DMD: variants seen among roughly 807,000 people sequenced by gnomAD.
DMD encodes the protein mutant dystrophin.
DMD carries 63 observed loss-of-function variants against 330.1 expected under a neutral mutation model. That is an observed-to-expected ratio of 0.19 (90% CI 0.16 to 0.24). The LOEUF is 0.24. Among genes scored for constraint, DMD ranks in the 10% least tolerant of loss-of-function variants. DMD has a pLI of 1.00. For missense variants in DMD, 3,344 were observed against 2,684.1 expected, an observed-to-expected ratio of 1.25 and a Z score of -5.43; for synonymous variants, 1,223 against 959.8, an observed-to-expected ratio of 1.27 and a Z score of -5.07.
intron 2 of DMD, among the ~76,000 whole-genome samples, chrX:33,011,940 G>A (rs1033665177): frequency 1.8e-5 from 2 of 111,453 alleles, no homozygotes; most frequent in African/African-American, 6.5e-5. Context: ...GCTTGGCACT[G>A]AGACCACTCC....
At chrX:32,579,076 G>A (rs993106160) in intron 13 of DMD, among the ~76,000 whole-genome samples, 1 of 111,023 alleles carries the variant, frequency 9.0e-6, no homozygotes, top group African/African-American at 3.3e-5. Flanking sequence ...CCATTATGAG[G>A]CAGAAATGTG....
chrX:33,002,367 G>C (rs1253255015), intron 2 of DMD, among the ~76,000 whole-genome samples: 2 of 110,993 alleles, frequency 1.8e-5, no homozygotes, highest in Non-Finnish European at 3.8e-5. Context: ...CTGAGCAGCG[G>C]CTCAAGTGCC....
intron 17 of DMD, among the ~76,000 whole-genome samples, chrX:32,529,479 C>T (rs1011576721): frequency 4.4e-5 from 4 of 91,872 alleles, no homozygotes; most frequent in South Asian, 6.2e-4. Context: ...CTGCAACCCC[C>T]GCCTCCTGGG....
chrX:32,394,916 C>CAAAAAAAAAAAAAAA (rs72234458), intron 30 of DMD, among the ~76,000 whole-genome samples: 23 of 38,880 alleles, frequency 5.9e-4, no homozygotes, highest in South Asian at 1.8e-3. Context: ...AACAAAAAAA[C>CAAAAAAAAAAAAAAA]AAAAAAAAAA....
At chrX:31,923,295 A>T (rs939194685) in intron 47 of DMD, among the ~76,000 whole-genome samples, 2 of 111,723 alleles carry the variant, frequency 1.8e-5, no homozygotes, top group Non-Finnish European at 3.8e-5. Flanking sequence ...ACTGTTTAGC[A>T]ACTATAAATT....
chrX:32,620,529 C>G (rs189127604), intron 11 of DMD, among the ~76,000 whole-genome samples: 127 of 112,324 alleles, frequency 1.1e-3, no homozygotes, highest in African/African-American at 3.8e-3. Context: ...AATAAACTTT[C>G]ATTTATCAAA....
In DMD at chrX:31,496,936, A is replaced by G. The variant is rs398124071; in HGVS notation, c.8399T>C (p.Leu2800Ser). The change falls in exon 57 of 79, where the codon TTG becomes TCG. Residue 2800 changes from leucine to serine, a missense_variant. Transcript: ENST00000357033. ...RKKSLNIRSHLEASSDQWKRL... is the reference protein window; with the variant it reads ...RKKSLNIRSHSEASSDQWKRL... ...CTTCCACTGGTCAGAACTGGCTTCC[A>G]AATGGGACCTGAAAAAGAACAGCAG... 21 of 1,206,958 alleles carry G rather than the reference A, an allele frequency of 1.7e-5. No individual in the cohort carries two copies. In the Admixed American group the frequency reaches 4.2e-4, roughly 24 times the overall value.
chrX:32,961,553 A>G (rs2091898549), intron 2 of DMD, among the ~76,000 whole-genome samples: 1 of 111,737 alleles, frequency 8.9e-6, no homozygotes, highest in Admixed American at 9.6e-5. Context: ...ATCCCACTCA[A>G]CAAAATTACT....
At position 31,963,724 on chromosome X, in the gene DMD, T is replaced by TA. The variant is rs2150161696; in HGVS notation, c.6614+4614dup. On this transcript the variant is annotated intron_variant, in intron 45 of 78. Transcript: ENST00000357033. Reference sequence around the variant, plus strand: ...GGGCAAGAATAATAACTGTAATTCATAATAATATATTGAATAAATAAAAAT... The same window carrying TA: ...GGGCAAGAATAATAACTGTAATTCATAAATAATATATTGAATAAATAAAAAT... Among the ~76,000 whole-genome samples, 2 of 107,272 alleles carry TA rather than the reference T, an allele frequency of 1.9e-5. 1 individual carries two copies. Among genetic ancestry groups the TA allele is most frequent in the South Asian group, 8.0e-4 (2 of 2,501 alleles). 93.2% of individuals were successfully genotyped at this position (107,272 alleles called of 115,157 possible). A position where few individuals can be genotyped will look rare whatever the true frequency, so the allele number is the denominator to read the frequency against.
At position 32,728,427 on chromosome X, in the gene DMD, T is replaced by C. The variant is rs920704368; in HGVS notation, c.650-29134A>G. Among the ~76,000 whole-genome samples, 10 of 112,042 alleles carry C rather than the reference T, an allele frequency of 8.9e-5. No individual in the cohort carries two copies. In the Admixed American group the frequency reaches 9.5e-4, roughly 11 times the overall value. On this transcript the variant is annotated intron_variant, in intron 7 of 78. Transcript: ENST00000357033. ...TTTCATAAATGGAGTCCAGGCACTC[T>C]TTGTAGTTTATCAAGAGCAGGTTTA...
At chrX:32,121,169 T>C (rs780691979) in intron 44 of DMD, among the ~76,000 whole-genome samples, 2 of 111,921 alleles carry the variant, frequency 1.8e-5, no homozygotes, top group East Asian at 5.6e-4. Context: ...ATGGTATCCA[T>C]GGTAGATACG....
intron 55 of DMD, among the ~76,000 whole-genome samples, chrX:31,578,457 A>T (rs2076204478): frequency 8.9e-6 from 1 of 112,015 alleles, no homozygotes; most frequent in South Asian, 3.7e-4. Flanking sequence ...AATTGCCAAG[A>T]GTTTAGGAGT....
chrX:32,913,049 T>C (rs766554251), intron 2 of DMD, among the ~76,000 whole-genome samples: 5 of 112,195 alleles, frequency 4.5e-5, no homozygotes, highest in African/African-American at 1.6e-4. Context: ...AGCATTTCCC[T>C]TTCAGCTTGC....
intron 2 of DMD, among the ~76,000 whole-genome samples, chrX:32,873,621 G>A (rs562625045): frequency 1.3e-4 from 15 of 111,700 alleles, no homozygotes; most frequent in African/African-American, 4.5e-4. Flanking sequence ...GATACTCTCA[G>A]CACTCACAGT....
At chrX:31,767,992 T>C (rs2090107132) in intron 51 of DMD, among the ~76,000 whole-genome samples, 2 of 111,713 alleles carry the variant, frequency 1.8e-5, no homozygotes, top group Non-Finnish European at 3.8e-5. Flanking sequence ...GGTTAAAAAT[T>C]AATCTTGAAC....
chrX:32,343,053 A>T (rs1433880989), intron 40 of DMD, 81 bp downstream of exon 40: 33 of 1,003,027 alleles, frequency 3.3e-5, no homozygotes, highest in Middle Eastern at 5.4e-4. Context: ...AAACAAGAAC[A>T]TCAACATTTT....
intron 51 of DMD, among the ~76,000 whole-genome samples, chrX:31,765,095 T>C (rs987537204): frequency 2.7e-5 from 3 of 110,456 alleles, no homozygotes; most frequent in African/African-American, 9.8e-5. Flanking sequence ...CCTTGGAAAT[T>C]ACTGATCAAT....
intron 76 of DMD, among the ~76,000 whole-genome samples, chrX:31,139,994 G>A (rs2054758379): frequency 8.9e-6 from 1 of 112,731 alleles, no homozygotes; most frequent in South Asian, 3.7e-4. Flanking sequence ...ATAGTACCGT[G>A]ATATAGCAAA....
intron 43 of DMD, among the ~76,000 whole-genome samples, chrX:32,223,713 G>A (rs892321348): frequency 1.1e-4 from 12 of 111,760 alleles, no homozygotes; most frequent in African/African-American, 3.6e-4. Flanking sequence ...TCTAATTGCT[G>A]TATATTCTCA....
Sources: allele counts gnomAD v4.1 joint callset (sites outside exome capture counted in the v4.1 genomes callset), GRCh38; gene constraint gnomAD v4.1.1; transcripts MANE v1.5; gene names NCBI Gene and HGNC (gene_info 2026-07-23, HGNC 2026-07-21).